Variants in NRXN1 observed in about 807,000 individuals in gnomAD.
NRXN1 encodes the protein neurexin 1, also known as neurexin-1.
In NRXN1, 39 loss-of-function variants were observed where a neutral mutation model predicts 150.9. The ratio of observed to expected loss-of-function variants is 0.26; its 90% CI spans 0.20 to 0.34. NRXN1 has a LOEUF of 0.34. Among genes scored for constraint, NRXN1 ranks in the 10% least tolerant of loss-of-function variants. NRXN1 has a pLI of 1.00. For missense variants in NRXN1, 1,815 were observed against 1,949.9 expected, an observed-to-expected ratio of 0.93 and a Z score of 1.30; for synonymous variants, 924 against 757.0, an observed-to-expected ratio of 1.22 and a Z score of -3.62.
At chr2:50,115,060 C>G (rs1702855062) in intron 18 of NRXN1, among the ~76,000 whole-genome samples, 1 of 151,412 alleles carries the variant, frequency 6.6e-6, no homozygotes, top group Admixed American at 6.6e-5. Flanking sequence ...TAACAAATTA[C>G]CACTCTAGTG....
intron 2 of NRXN1, among the ~76,000 whole-genome samples, chr2:50,959,317 A>C (rs1168409058): frequency 6.6e-6 from 1 of 152,118 alleles, no homozygotes; most frequent in Non-Finnish European, 1.5e-5. Flanking sequence ...TAAATGTTCA[A>C]AGTGTTATTC....
chr2:50,014,640 T>C (rs1686268187), intron 21 of NRXN1, among the ~76,000 whole-genome samples: 1 of 152,182 alleles, frequency 6.6e-6, no homozygotes, highest in Admixed American at 6.5e-5. Flanking sequence ...TTAAATTTCA[T>C]TAATTCTTTT....
chr2:50,330,199 A>G (rs1465896426), intron 17 of NRXN1, among the ~76,000 whole-genome samples: 1 of 152,156 alleles, frequency 6.6e-6, no homozygotes, highest in Non-Finnish European at 1.5e-5. Context: ...TTAAATACAT[A>G]AAGGCAAACT....
intron 18 of NRXN1, among the ~76,000 whole-genome samples, chr2:50,177,801 CTCTCTCT>C (rs1264573299): frequency 3.1e-4 from 47 of 151,438 alleles, no homozygotes; most frequent in African/African-American, 1.1e-3. Flanking sequence ...CTCTCTCTCT[CTCTCTCT>C]CTCCTCCTCT....
chr2:50,738,579 T>C (rs1223629256), intron 5 of NRXN1, among the ~76,000 whole-genome samples: 1 of 152,208 alleles, frequency 6.6e-6, no homozygotes, highest in Non-Finnish European at 1.5e-5. Flanking sequence ...AGAGAATGCA[T>C]GAGTTCTTTT....
chr2:50,038,077 T>C (rs1690321048), intron 21 of NRXN1, among the ~76,000 whole-genome samples: 1 of 152,142 alleles, frequency 6.6e-6, no homozygotes, highest in Non-Finnish European at 1.5e-5. Context: ...CAGCTTAGAA[T>C]ATGATATGTA....
intron 21 of NRXN1, among the ~76,000 whole-genome samples, chr2:49,988,801 G>C (rs1277732151): frequency 6.6e-6 from 1 of 152,116 alleles, no homozygotes; most frequent in East Asian, 1.9e-4. Context: ...AATGTGCATT[G>C]ATGCAATTAT....
intron 21 of NRXN1, among the ~76,000 whole-genome samples, chr2:49,966,923 A>C (rs911135499): frequency 2.0e-5 from 3 of 152,182 alleles, no homozygotes; most frequent in Admixed American, 6.6e-5. Context: ...AAGCAGGTAC[A>C]AACAAAGAAC....
intron 5 of NRXN1, among the ~76,000 whole-genome samples, chr2:50,779,734 C>T (rs1255729900): frequency 1.3e-5 from 2 of 151,994 alleles, no homozygotes; most frequent in African/African-American, 4.8e-5. Context: ...CGCCACTGCA[C>T]TCCAGCCTGG....
At chr2:50,208,817 G>A (rs1293560060) in intron 18 of NRXN1, among the ~76,000 whole-genome samples, 1 of 152,080 alleles carries the variant, frequency 6.6e-6, no homozygotes, top group African/African-American at 2.4e-5. Flanking sequence ...CTTTCAAAAC[G>A]TGCTAACATT....
intron 12 of NRXN1, among the ~76,000 whole-genome samples, chr2:50,514,152 G>T (rs2092556243): frequency 6.6e-6 from 1 of 152,162 alleles, no homozygotes; most frequent in Non-Finnish European, 1.5e-5. Flanking sequence ...CGAGCATGAA[G>T]ATTTTGATGG....
At chr2:50,237,271 C>T (rs2065544700) in intron 17 of NRXN1, among the ~76,000 whole-genome samples, 1 of 152,038 alleles carries the variant, frequency 6.6e-6, no homozygotes, top group South Asian at 2.1e-4. Context: ...GGCATTATCT[C>T]TTCCTGCCAG....
At chr2:50,228,418 A>C (rs1351054522) in intron 18 of NRXN1, among the ~76,000 whole-genome samples, 1 of 152,038 alleles carries the variant, frequency 6.6e-6, no homozygotes, top group Non-Finnish European at 1.5e-5. Context: ...AAAAGATGTC[A>C]AAGATGTAGC....
At chr2:50,390,290 C>A (rs1287851989) in intron 17 of NRXN1, among the ~76,000 whole-genome samples, 1 of 152,084 alleles carries the variant, frequency 6.6e-6, no homozygotes, top group Non-Finnish European at 1.5e-5. Context: ...TTCCTAACTT[C>A]TCCTCCTGCC....
chr2:50,274,717 G>A (rs1303122871), intron 17 of NRXN1, among the ~76,000 whole-genome samples: 1 of 151,940 alleles, frequency 6.6e-6, no homozygotes, highest in Admixed American at 6.6e-5. Flanking sequence ...AATGAGCATA[G>A]GCTGGCTGCC....
chr2:50,880,133 T>A (rs115271349), intron 5 of NRXN1, among the ~76,000 whole-genome samples: 1 of 151,988 alleles, frequency 6.6e-6, no homozygotes, highest in Non-Finnish European at 1.5e-5. Context: ...AGATACATAA[T>A]ATCCAATAAG....
intron 2 of NRXN1, among the ~76,000 whole-genome samples, chr2:50,926,663 T>C (rs1361032495): frequency 6.6e-6 from 1 of 151,892 alleles, no homozygotes; most frequent in Non-Finnish European, 1.5e-5. Flanking sequence ...ATAAGGCAAT[T>C]TGGTTTGTCG....
At chr2:50,780,119 C>T (rs529115270) in intron 5 of NRXN1, among the ~76,000 whole-genome samples, 49 of 152,190 alleles carry the variant, frequency 3.2e-4, no homozygotes, top group African/African-American at 8.9e-4. Flanking sequence ...TAATGACCAG[C>T]GATGATTAGC....
At chr2:50,226,937 T>C (rs1271211399) in intron 18 of NRXN1, among the ~76,000 whole-genome samples, 1 of 152,028 alleles carries the variant, frequency 6.6e-6, no homozygotes, top group Non-Finnish European at 1.5e-5. Context: ...TTTCAACAAA[T>C]ACTGATTGCT....
Sources: allele counts gnomAD v4.1 joint callset (sites outside exome capture counted in the v4.1 genomes callset), GRCh38; gene constraint gnomAD v4.1.1; transcripts MANE v1.5; gene names NCBI Gene and HGNC (gene_info 2026-07-23, HGNC 2026-07-21).